RASA2: variants seen among roughly 807,000 people sequenced by gnomAD.
The protein encoded by RASA2 is RAS p21 protein activator 2.
A neutral mutation model predicts 118.2 loss-of-function variants in RASA2; 155 were observed. That is an observed-to-expected ratio of 1.31 (90% confidence interval 1.15 to 1.50). RASA2 has a LOEUF of 1.50. Ranked by LOEUF, RASA2 falls within the 40% of genes most tolerant of loss-of-function variation. The pLI is 0.00. For missense variants in RASA2, 1,016 were observed against 1,009.6 expected, an observed-to-expected ratio of 1.01 and a Z score of -0.09; for synonymous variants, 353 against 349.1, an observed-to-expected ratio of 1.01 and a Z score of -0.12.
intron 1 of RASA2, among the ~76,000 whole-genome samples, chr3:141,510,826 G>A (rs1053476924): frequency 1.3e-5 from 2 of 152,192 alleles, no homozygotes; most frequent in Admixed American, 1.3e-4. Flanking sequence ...AGACCATTAA[G>A]TAGGGCTTTG....
Position 141,516,231 on chromosome 3 carries a change from ATATTATTTGAG to A in RASA2, c.252-92_252-82del, listed in dbSNP as rs2082023509. ...ATATATATATTAAAAAAAGAAAGTG[ATATTATTTGAG>A]TATTTATACAATTATTATTGAAAGT... On this transcript the variant is annotated intron_variant, in intron 2 of 23. Transcript: ENST00000286364. 13 of 807,292 alleles carry A rather than the reference ATATTATTTGAG, an allele frequency of 1.6e-5. No individual in the cohort carries two copies. The South Asian group carries it at 4.8e-4, about 30-fold the overall frequency. The allele number at this position is 807,292 out of a possible 1,614,324, so 50.0% of individuals were successfully genotyped here. A position where few individuals can be genotyped will look rare whatever the true frequency, so the allele number is the denominator to read the frequency against.
intron 18 of RASA2, 71 bp downstream of exon 18, chr3:141,586,169 T>C: frequency 7.3e-7 from 1 of 1,378,940 alleles, no homozygotes; most frequent in Non-Finnish European, 1.0e-6. Flanking sequence ...AGAGCGTGGG[T>C]CTAAGAGTGA....
At chr3:141,603,309 G>T (rs557823080) in intron 19 of RASA2, among the ~76,000 whole-genome samples, 3 of 152,168 alleles carry the variant, frequency 2.0e-5, no homozygotes, top group Admixed American at 6.5e-5. Flanking sequence ...AGTGGTTCAG[G>T]CCCGTAATCC....
intron 1 of RASA2, among the ~76,000 whole-genome samples, chr3:141,509,379 A>T (rs974628151): frequency 6.6e-6 from 1 of 152,214 alleles, no homozygotes; most frequent in Non-Finnish European, 1.5e-5. Context: ...GGGAGAGGGA[A>T]GTAGAATATG....
chr3:141,487,967 C>CA (rs1264792273), intron 1 of RASA2, among the ~76,000 whole-genome samples: 4 of 152,156 alleles, frequency 2.6e-5, no homozygotes, highest in African/African-American at 9.6e-5. Flanking sequence ...TCTCAAAACA[C>CA]AATCACCCAG....
intron 3 of RASA2, among the ~76,000 whole-genome samples, chr3:141,523,428 C>T (rs1188458204): frequency 1.3e-5 from 2 of 152,120 alleles, no homozygotes; most frequent in Admixed American, 1.3e-4. Context: ...TTACTTTTGA[C>T]CACTGCCTCC....
At chr3:141,572,578 C>T (rs758409827) in intron 11 of RASA2, 31 bp from the exon 12 acceptor site, 14 of 1,483,824 alleles carry the variant, frequency 9.4e-6, no homozygotes, top group Non-Finnish European at 1.3e-5. Context: ...CCTTTGTTTA[C>T]TACATTTGGT....
At chr3:141,505,170 A>G (rs1274244921) in intron 1 of RASA2, among the ~76,000 whole-genome samples, 1 of 152,202 alleles carries the variant, frequency 6.6e-6, no homozygotes, top group East Asian at 1.9e-4. Flanking sequence ...AATAAATACT[A>G]TATGCTTATT....
chr3:141,584,918 A>G (rs1182219791), intron 17 of RASA2, among the ~76,000 whole-genome samples: 1 of 152,048 alleles, frequency 6.6e-6, no homozygotes, highest in African/African-American at 2.4e-5. Context: ...AGCATCCCTA[A>G]TCTGAAAATC....
chr3:141,585,071 G>C (rs980287715), intron 17 of RASA2, among the ~76,000 whole-genome samples: 1 of 152,060 alleles, frequency 6.6e-6, no homozygotes, highest in Non-Finnish European at 1.5e-5. Context: ...TACAAAAACA[G>C]GCTACAGGTC....
Position 141,607,685 on chromosome 3 carries a change from T to G in RASA2, c.1941T>G (p.Asp647Glu). 3 of 1,573,424 alleles carry G rather than the reference T, an allele frequency of 1.9e-6. No homozygotes were observed. Among genetic ancestry groups the G allele is most frequent in the Non-Finnish European group, 2.6e-6 (3 of 1,165,636 alleles). Residue 647 changes from aspartate to glutamate, a missense_variant, in exon 20 of 24, where the codon GAT becomes GAG. Coordinates refer to ENST00000286364, the MANE Select transcript of RASA2 (RefSeq NM_006506.5). ...ELTYHKQPGK[D>E]AIYTIPVKNI... ...ACTTTTTTTATTATTTAGGCAAAGA[T>G]GCAATCTACACAATCCCAGTAAAAA...
At chr3:141,609,306 C>G (rs2083599166) in intron 21 of RASA2, 114 bp from the exon 22 acceptor site, 1 of 575,776 alleles carries the variant, frequency 1.7e-6, no homozygotes, top group Non-Finnish European at 2.8e-6. Flanking sequence ...AATTTCCAGA[C>G]TTCCTTCTGC....
At chr3:141,547,429 T>A (rs2082501941) in intron 5 of RASA2, among the ~76,000 whole-genome samples, 1 of 152,332 alleles carries the variant, frequency 6.6e-6, no homozygotes, top group Non-Finnish European at 1.5e-5. Flanking sequence ...TGTGGTTAAT[T>A]CCTAGCTATT....
chr3:141,612,189 G>C, intron 23 of RASA2, 94 bp from the exon 24 acceptor site: 3 of 958,316 alleles, frequency 3.1e-6, no homozygotes, highest in Non-Finnish European at 4.8e-6. Context: ...GATTATCCAG[G>C]GAAAATTCTA....
At chr3:141,596,526 A>G (rs1446216581) in intron 19 of RASA2, among the ~76,000 whole-genome samples, 1 of 152,256 alleles carries the variant, frequency 6.6e-6, no homozygotes, top group Non-Finnish European at 1.5e-5. Context: ...AAAGAGGACC[A>G]TTAAGAAAAT....
intron 17 of RASA2, among the ~76,000 whole-genome samples, chr3:141,583,666 C>G (rs972688717): frequency 7.2e-5 from 11 of 152,062 alleles, no homozygotes; most frequent in African/African-American, 2.2e-4. Flanking sequence ...ATATTTTCTC[C>G]CAGCAAACAG....
intron 3 of RASA2, among the ~76,000 whole-genome samples, chr3:141,522,532 A>G (rs981604318): frequency 6.6e-6 from 1 of 152,104 alleles, no homozygotes; most frequent in Non-Finnish European, 1.5e-5. Context: ...GAAGACGCTG[A>G]TCTTCCATCT....
intron 1 of RASA2, among the ~76,000 whole-genome samples, chr3:141,507,162 G>T (rs978548719): frequency 2.6e-5 from 4 of 152,146 alleles, no homozygotes; most frequent in Non-Finnish European, 4.4e-5. Context: ...ATAATTTTCA[G>T]TGAAAAATTG....
rs1391196712 is a variant in RASA2 at position 141,572,053 on chromosome 3, TATATATATACAC to T, written c.1169+501_1169+512del. ...ACATATATATATATATATATATATA[TATATATATACAC>T]ACACACACACACATATGTATTGAGT... On this transcript the variant is annotated intron_variant, in intron 11 of 23. Coordinates refer to ENST00000286364, the MANE Select transcript of RASA2 (RefSeq NM_006506.5). Among the ~76,000 whole-genome samples the T allele has an allele frequency of 7.9e-3, 1,056 of 133,666 alleles. 14 individuals carry two copies. Among genetic ancestry groups the T allele is most frequent in the African/African-American group, 0.03 (1,001 of 33,546 alleles). 87.7% of individuals were successfully genotyped at this position (133,666 alleles called of 152,430 possible).
Sources: gnomAD v4.1 joint callset for allele counts (sites outside exome capture counted in the v4.1 genomes callset) on GRCh38, gnomAD v4.1.1 for gene constraint, MANE v1.5 for transcripts, NCBI Gene and HGNC (gene_info 2026-07-23, HGNC 2026-07-21) for gene names.